Variants in SLIT2 observed in about 807,000 individuals in gnomAD.
SLIT2 encodes slit guidance ligand 2.
Under a neutral mutation model 185.7 loss-of-function variants are expected in SLIT2, and 41 were observed. That is an observed-to-expected ratio of 0.22 (90% confidence interval 0.17 to 0.29). The LOEUF is 0.29. Among genes scored for constraint, SLIT2 ranks in the 10% least tolerant of loss-of-function variants. The probability of loss-of-function intolerance (pLI) is 1.00; values close to 1 mark genes in which losing one functional copy is unlikely to be tolerated. For missense variants in SLIT2, 1,571 were observed against 1,909.0 expected (o/e 0.82, Z 3.30); for synonymous variants, 693 against 680.2 (o/e 1.02, Z -0.29).
chr4:20,313,272 C>A (rs1350736495), intron 4 of SLIT2, among the ~76,000 whole-genome samples: 1 of 152,172 alleles, frequency 6.6e-6, no homozygotes, highest in Non-Finnish European at 1.5e-5. Context: ...AGGAAGCTTA[C>A]AGTCATAACA....
intron 4 of SLIT2, among the ~76,000 whole-genome samples, chr4:20,398,962 A>G (rs1319720184): frequency 1.3e-5 from 2 of 151,750 alleles, no homozygotes; most frequent in Admixed American, 6.6e-5. Context: ...ACCTATATAT[A>G]AGACAGTCAT....
At chr4:20,402,168 A>G (rs956735381) in intron 4 of SLIT2, among the ~76,000 whole-genome samples, 1 of 151,748 alleles carries the variant, frequency 6.6e-6, no homozygotes, top group African/African-American at 2.4e-5. Context: ...ATGAATACGT[A>G]CCATGCTAGA....
intron 4 of SLIT2, among the ~76,000 whole-genome samples, chr4:20,373,734 C>T (rs1000194594): frequency 5.1e-4 from 78 of 152,016 alleles, no homozygotes; most frequent in African/African-American, 1.8e-3. Flanking sequence ...AACCCAATTG[C>T]ATATCCTGCA....
intron 29 of SLIT2, chr4:20,573,262 T>C (rs1212284876): frequency 1.4e-6 from 1 of 702,980 alleles, no homozygotes; most frequent in Non-Finnish European, 2.6e-6. Flanking sequence ...TGGAAAAAGG[T>C]TAGTTGCCTT....
At chr4:20,279,553 T>A (rs1359208104) in intron 4 of SLIT2, among the ~76,000 whole-genome samples, 2 of 152,184 alleles carry the variant, frequency 1.3e-5, no homozygotes, top group Non-Finnish European at 2.9e-5. Context: ...AGATGGTTGA[T>A]TCAGACCACC....
intron 4 of SLIT2, among the ~76,000 whole-genome samples, chr4:20,460,048 G>A (rs575658513): frequency 6.6e-5 from 10 of 152,044 alleles, no homozygotes; most frequent in African/African-American, 2.2e-4. Context: ...ATTTTTAGTA[G>A]AGACGAGTTT....
At chr4:20,598,667 GC>G (rs1423501674) in intron 33 of SLIT2, among the ~76,000 whole-genome samples, 1 of 152,152 alleles carries the variant, frequency 6.6e-6, no homozygotes, top group Non-Finnish European at 1.5e-5. Context: ...GGGAGGTGTT[GC>G]TACCCATATG....
intron 4 of SLIT2, among the ~76,000 whole-genome samples, chr4:20,464,879 T>A (rs573169220): frequency 6.6e-6 from 1 of 152,328 alleles, no homozygotes; most frequent in South Asian, 2.1e-4. Flanking sequence ...TGTTTGATAT[T>A]CGCCTCATCT....
chr4:20,391,023 C>T (rs560568052), intron 4 of SLIT2, among the ~76,000 whole-genome samples: 1 of 151,954 alleles, frequency 6.6e-6, no homozygotes, highest in Non-Finnish European at 1.5e-5. Context: ...AAATAATCCA[C>T]TTAAAGATGG....
chr4:20,253,873 C>G lies in SLIT2; in HGVS notation c.58C>G (p.Leu20Val). 3 of 1,601,060 alleles carry G rather than the reference C, an allele frequency of 1.9e-6. No individual in the cohort carries two copies. Among genetic ancestry groups the G allele is most frequent in the Non-Finnish European group, 2.5e-6 (3 of 1,179,914 alleles). Residue 20 changes from leucine to valine, a missense_variant, in exon 1 of 37, where the codon CTG (leucine) becomes GTG (valine). Around this residue, in one of 3 missense-constraint regions of SLIT2, gnomAD observed 1,202 missense variants for 1,416.4 expected, o/e 0.85. Coordinates refer to ENST00000504154, the MANE Select transcript of SLIT2 (RefSeq NM_004787.4). ...GTCGCTGGGGTTAGTGCTGGCGATCCTGAACAAGGTGGCACCGCAGGCGTG... is the reference window on the plus strand; with the variant it reads ...GTCGCTGGGGTTAGTGCTGGCGATCGTGAACAAGGTGGCACCGCAGGCGTG... ...SLSLGLVLAI[L>V]NKVAPQACPA...
intron 4 of SLIT2, among the ~76,000 whole-genome samples, chr4:20,424,696 G>A (rs754919658): frequency 6.6e-6 from 1 of 151,982 alleles, no homozygotes; most frequent in Non-Finnish European, 1.5e-5. Context: ...CTGCTTTTGG[G>A]CATTTGTATA....
rs1456508940 is a variant in SLIT2 at position 20,502,552 on chromosome 4, G to T, written c.915-7943G>T. On this transcript the variant is annotated intron_variant, in intron 9 of 36. Transcript: ENST00000504154. ...TGTGCACAAAAAACAAAGAGAGAGG[G>T]CTACCTTGATCTGCCTTGGAGAATC... 2.0e-5 allele frequency among the ~76,000 whole-genome samples: 3 copies of T among 152,240 alleles called. No individual in the cohort carries two copies. The East Asian group carries it at 5.8e-4, about 29-fold the overall frequency.
intron 9 of SLIT2, among the ~76,000 whole-genome samples, chr4:20,496,827 T>C (rs1338025661): frequency 6.6e-6 from 1 of 152,140 alleles, no homozygotes; most frequent in Non-Finnish European, 1.5e-5. Flanking sequence ...TTGGAACAGA[T>C]TTGTCTCTGA....
At chr4:20,492,638 T>G (rs525684) in intron 9 of SLIT2, among the ~76,000 whole-genome samples, 1 of 151,906 alleles carries the variant, frequency 6.6e-6, no homozygotes, top group Non-Finnish European at 1.5e-5. Context: ...CAAAACCCCT[T>G]TTAACCACCC....
At chr4:20,270,941 T>C (rs971239962) in intron 4 of SLIT2, among the ~76,000 whole-genome samples, 1 of 151,974 alleles carries the variant, frequency 6.6e-6, no homozygotes, top group South Asian at 2.1e-4. Context: ...GAATAAGTTA[T>C]AAGCTGCATG....
chr4:20,482,768 C>A (rs1194304581), intron 6 of SLIT2, among the ~76,000 whole-genome samples: 2 of 151,466 alleles, frequency 1.3e-5, no homozygotes, highest in South Asian at 4.2e-4. Context: ...ATGTAAATTT[C>A]TTCTAAAAAG....
At chr4:20,436,051 G>C (rs573674959) in intron 4 of SLIT2, among the ~76,000 whole-genome samples, 3 of 152,200 alleles carry the variant, frequency 2.0e-5, no homozygotes, top group Non-Finnish European at 4.4e-5. Context: ...AAAGTATAAT[G>C]CACTCAGTTG....
At chr4:20,270,926 C>T (rs1336191727) in intron 4 of SLIT2, among the ~76,000 whole-genome samples, 5 of 151,744 alleles carry the variant, frequency 3.3e-5, no homozygotes, top group Non-Finnish European at 5.9e-5. Flanking sequence ...CTTTTTCTCT[C>T]GAGAGAATAA....
At chr4:20,259,983 A>G (rs75713007) in intron 3 of SLIT2, among the ~76,000 whole-genome samples, 3,349 of 151,912 alleles carry the variant, frequency 0.022, 71 homozygotes, top group Non-Finnish European at 0.034. Context: ...ATTCAAAACC[A>G]TTTCTTAGGA....
Sources: allele counts gnomAD v4.1 joint callset (sites outside exome capture counted in the v4.1 genomes callset), GRCh38; gene constraint gnomAD v4.1.1; regional missense constraint gnomAD v4.1.1; transcripts MANE v1.5; gene names NCBI Gene and HGNC (gene_info 2026-07-23, HGNC 2026-07-21).